The following BCL2 variants were observed in gnomAD, a reference collection of about 807,000 sequenced individuals.
BCL2 encodes the protein BCL2 apoptosis regulator, also known as apoptosis regulator Bcl-2.
A neutral mutation model predicts 14.2 loss-of-function variants in BCL2; 1 was observed. The observed-to-expected ratio is 0.07, with a 90% CI of 0.02 to 0.33. BCL2 has a LOEUF of 0.33. Ranked by LOEUF, BCL2 falls within the 10% of genes least tolerant of loss-of-function variation. The probability of loss-of-function intolerance (pLI) is 0.99; values close to 1 mark genes in which losing one functional copy is unlikely to be tolerated. For synonymous variants in BCL2, 151 were observed against 137.2 expected (o/e 1.10, Z -0.70); for missense variants, 247 against 305.9 (o/e 0.81, Z 1.44).
At chr18:63,230,218 T>C (rs1170334068) in intron 2 of BCL2, among the ~76,000 whole-genome samples, 3 of 152,034 alleles carry the variant, frequency 2.0e-5, no homozygotes, top group African/African-American at 7.2e-5. Flanking sequence ...AAAACCACAA[T>C]CCCTAAACCC....
chr18:63,177,675 C>T (rs142822972), intron 2 of BCL2, among the ~76,000 whole-genome samples: 1 of 152,230 alleles, frequency 6.6e-6, no homozygotes, highest in South Asian at 2.1e-4. Context: ...TGATGAGTAA[C>T]AAAGTTATTC....
intron 2 of BCL2, among the ~76,000 whole-genome samples, chr18:63,143,432 C>T (rs753391295): frequency 6.6e-6 from 1 of 152,218 alleles, no homozygotes; most frequent in Non-Finnish European, 1.5e-5. Flanking sequence ...GAACACTACA[C>T]GTGCCCACTG....
At chr18:63,186,696 T>A (rs183974718) in intron 2 of BCL2, among the ~76,000 whole-genome samples, 6 of 152,336 alleles carry the variant, frequency 3.9e-5, no homozygotes, top group Non-Finnish European at 8.8e-5. Context: ...AAAAAATAAA[T>A]TTGGATGATG....
At chr18:63,173,548 C>A (rs1307628737) in intron 2 of BCL2, among the ~76,000 whole-genome samples, 1 of 152,176 alleles carries the variant, frequency 6.6e-6, no homozygotes, top group Non-Finnish European at 1.5e-5. Context: ...AATTTTAAGA[C>A]CTGTGCAGCA....
rs552392792 is a variant in BCL2, at chr18:63,258,165, G to A, written c.585+59917C>T. Among the ~76,000 whole-genome samples, 3 of 152,332 alleles carry A rather than the reference G, an allele frequency of 2.0e-5. No homozygotes were observed. The South Asian group carries it at 6.2e-4, about 32-fold the overall frequency. ...GATGGCACTTCCAGGAGCTGGAAGA[G>A]GTGGGGGGTGGATCCCCCTGAGCCT... On this transcript the variant is annotated intron_variant, in intron 2 of 2. Coordinates refer to ENST00000333681, the MANE Select transcript of BCL2 (RefSeq NM_000633.3).
At chr18:63,243,540 T>C (rs956119726) in intron 2 of BCL2, among the ~76,000 whole-genome samples, 64 of 152,176 alleles carry the variant, frequency 4.2e-4, no homozygotes, top group African/African-American at 1.3e-3. Context: ...AAAATAAAAA[T>C]TAACATTAAA....
intron 2 of BCL2, among the ~76,000 whole-genome samples, chr18:63,157,164 A>T (rs1053197934): frequency 6.6e-6 from 1 of 152,214 alleles, no homozygotes. Context: ...TGTGTAAAAA[A>T]CCAGAAGGCA....
At position 63,128,597 on chromosome 18, in the gene BCL2, A is replaced by T; in HGVS notation, c.*28T>A. ...TCTACTGCTTTAGTGAACCTTTTGC[A>T]TATTTGTTTGGGGCAGGCATGTTGA... is the stretch of plus-strand genomic sequence containing the variant. On this transcript the variant is annotated 3_prime_UTR_variant, in exon 3 of 3. Transcript: ENST00000333681. The T allele has an allele frequency of 1.3e-6, 1 of 778,248 alleles. No homozygotes were observed. Among genetic ancestry groups the T allele is most frequent in the Non-Finnish European group, 2.4e-6 (1 of 416,394 alleles). 48.2% of individuals were successfully genotyped at this position (778,248 alleles called of 1,614,324 possible). A position where few individuals can be genotyped will look rare whatever the true frequency, so the allele number is the denominator to read the frequency against.
intron 2 of BCL2, among the ~76,000 whole-genome samples, chr18:63,233,012 A>C (rs902021489): frequency 9.9e-5 from 15 of 152,228 alleles, no homozygotes; most frequent in Non-Finnish European, 8.8e-5. Context: ...TCCCAGATCA[A>C]GGAGCCAGCA....
At chr18:63,319,021 G>A in intron 1 of BCL2, 69 bp from the exon 2 acceptor site, 1 of 1,160,950 alleles carries the variant, frequency 8.6e-7, no homozygotes, top group Non-Finnish European at 1.1e-6. Context: ...CACACTGAGT[G>A]AAAGCAGGGC....
At chr18:63,131,674 T>C (rs940224147) in intron 2 of BCL2, among the ~76,000 whole-genome samples, 3 of 152,218 alleles carry the variant, frequency 2.0e-5, no homozygotes, top group South Asian at 2.1e-4. Context: ...GTCAGGGCAC[T>C]GGCAATAGGT....
At chr18:63,213,541 CACATAA>C (rs780605734) in intron 2 of BCL2, among the ~76,000 whole-genome samples, 2,343 of 86,040 alleles carry the variant, frequency 0.027, 70 homozygotes, top group African/African-American at 0.086. Context: ...CACACACACA[CACATAA>C]ACACACACAC....
intron 2 of BCL2, among the ~76,000 whole-genome samples, chr18:63,171,855 C>T (rs1449185394): frequency 2.6e-5 from 4 of 152,098 alleles, no homozygotes; most frequent in Non-Finnish European, 4.4e-5. Context: ...GTGGCACAGG[C>T]CTGTAGTCCC....
At chr18:63,253,545 G>A (rs1475837390) in intron 2 of BCL2, among the ~76,000 whole-genome samples, 2 of 152,194 alleles carry the variant, frequency 1.3e-5, no homozygotes, top group African/African-American at 4.8e-5. Flanking sequence ...CAAAACATCA[G>A]TGACTAGGGC....
chr18:63,199,555 A>G (rs902725304), intron 2 of BCL2, among the ~76,000 whole-genome samples: 20 of 151,756 alleles, frequency 1.3e-4, no homozygotes, highest in African/African-American at 4.8e-4. Context: ...ACCCACACAC[A>G]CAGATACCAC....
rs1913852984 is a variant in BCL2, at chr18:63,124,305, C to G, written c.*4320G>C. 4.4e-6 allele frequency: 1 copy of G among 228,448 alleles called. No homozygotes were observed. The highest frequency in any genetic ancestry group is 6.2e-5 in the East Asian group (1 of 16,112). 14.2% of individuals were successfully genotyped at this position (228,448 alleles called of 1,614,324 possible). ...CAACCAGAAGGTTGTCATTAAATAT[C>G]CTGTTAGTTAAAACTGCACATTTAT... On this transcript the variant is annotated 3_prime_UTR_variant, in exon 3 of 3. Transcript: ENST00000333681.
intron 2 of BCL2, among the ~76,000 whole-genome samples, chr18:63,134,429 A>C (rs922663334): frequency 6.6e-6 from 1 of 152,156 alleles, no homozygotes; most frequent in Non-Finnish European, 1.5e-5. Flanking sequence ...CGGTTAAGTG[A>C]GGGCCTCCTT....
rs140093696 is a variant in BCL2 at position 63,128,463 on chromosome 18, TTG to T, written c.*160_*161del. 1,031 of 488,422 alleles carry T rather than the reference TTG, an allele frequency of 2.1e-3. No homozygotes were observed. Among genetic ancestry groups the T allele is most frequent in the South Asian group, 5.3e-3 (125 of 23,418 alleles). The allele number at this position is 488,422 out of a possible 1,614,324, so 30.3% of individuals were successfully genotyped here. ...CGTTTTGCCTGAAGACTGTTAATTGTTGTGTGTGTGTGTGTCTGTCTGTGTGT... is the reference window on the plus strand; with the variant it reads ...CGTTTTGCCTGAAGACTGTTAATTGTTGTGTGTGTGTGTCTGTCTGTGTGT... On this transcript the variant is annotated 3_prime_UTR_variant, in exon 3 of 3. Coordinates refer to ENST00000333681, the MANE Select transcript of BCL2 (RefSeq NM_000633.3).
intron 2 of BCL2, among the ~76,000 whole-genome samples, chr18:63,268,542 T>G (rs1911906160): frequency 6.6e-6 from 1 of 152,230 alleles, no homozygotes. Flanking sequence ...TGAGACGAAC[T>G]GCTGGACCAT....
Sources: gnomAD v4.1 joint callset for allele counts (sites outside exome capture counted in the v4.1 genomes callset) on GRCh38, gnomAD v4.1.1 for gene constraint, MANE v1.5 for transcripts, NCBI Gene and HGNC (gene_info 2026-07-23, HGNC 2026-07-21) for gene names.